The following C4orf50 variants were observed in gnomAD, a reference collection of about 807,000 sequenced individuals.
The protein encoded by C4orf50 is chromosome 4 open reading frame 50.
In C4orf50, 80 loss-of-function variants were observed where a neutral mutation model predicts 77.2. The ratio of observed to expected loss-of-function variants is 1.04; its 90% confidence interval spans 0.87 to 1.25. The LOEUF (loss-of-function observed/expected upper bound fraction) is 1.25. Ranked by LOEUF, C4orf50 falls within the 50% of genes most tolerant of loss-of-function variation. The probability of loss-of-function intolerance (pLI) is 0.00; values close to 1 mark genes in which losing one functional copy is unlikely to be tolerated. For synonymous variants in C4orf50, 532 were observed against 465.3 expected (o/e 1.14, Z -1.84); for missense variants, 1,257 against 1,152.9 (o/e 1.09, Z -1.31).
At chr4:5,963,741 G>A (rs1719396595) in intron 33 of C4orf50, among the ~76,000 whole-genome samples, 1 of 152,206 alleles carries the variant, frequency 6.6e-6, no homozygotes, top group Non-Finnish European at 1.5e-5. Context: ...CACCTCTGAT[G>A]TGCCAGGCAC....
At chr4:5,979,225 G>C (rs76660965) in intron 29 of C4orf50, among the ~76,000 whole-genome samples, 2 of 152,066 alleles carry the variant, frequency 1.3e-5, no homozygotes. Flanking sequence ...AGTATATGCC[G>C]AGAGAGAAAT....
At chr4:5,977,742 CA>C (rs1720366424) in intron 29 of C4orf50, among the ~76,000 whole-genome samples, 1 of 152,180 alleles carries the variant, frequency 6.6e-6, no homozygotes, top group South Asian at 2.1e-4. Flanking sequence ...GTCTTACATT[CA>C]AAAAGCACTC....
At chr4:6,003,860 G>GTGA (rs1349200873) in intron 25 of C4orf50, among the ~76,000 whole-genome samples, 773 of 57,552 alleles carry the variant, frequency 0.013, 120 homozygotes, top group African/African-American at 0.043. Flanking sequence ...GGTGATGATG[G>GTGA]TGATGGTGAT....
At position 5,905,526 on chromosome 4, in the gene C4orf50, A is replaced by G. The variant is rs1247670865; in HGVS notation, c.*2475-7338T>C. On this transcript the variant is annotated intron_variant, in intron 7 of 7. Transcript: ENST00000324058. This position sits in a 1 kb window ranked among gnomAD's most constrained non-coding sequence, Gnocchi z 5.4. ...GTGTGGCTTCTACATGAAGCCATCC[A>G]CATGCACACACCTTTACGTCACTGG... 2.0e-5 allele frequency: 3 copies of G among 152,250 alleles called. No individual in the cohort carries two copies. The East Asian group carries it at 5.8e-4, about 29-fold the overall frequency. The allele number at this position is 152,250 out of a possible 1,614,324, so 9.4% of individuals were successfully genotyped here.
intron 7 of C4orf50, among the ~76,000 whole-genome samples, chr4:5,915,870 C>T (rs530916545): frequency 9.8e-5 from 15 of 152,342 alleles, no homozygotes; most frequent in African/African-American, 3.4e-4. Flanking sequence ...CTTCCCTCTC[C>T]TCTTTTTCCT....
chr4:5,930,059 A>G (rs1717698137), intron 7 of C4orf50, among the ~76,000 whole-genome samples: 2 of 152,180 alleles, frequency 1.3e-5, no homozygotes, highest in South Asian at 2.1e-4. Context: ...GCATGATGAC[A>G]ACCAGGTGTT....
chr4:5,989,657 T>C (rs4234711), exon 28 of C4orf50: 895,056 of 1,535,938 alleles, frequency 0.58, 266,429 homozygotes, highest in East Asian at 0.9. Context: ...GCACACCTGT[T>C]GTGTCCTTTG....
In C4orf50 at chr4:5,988,121, G is replaced by A. The variant is rs559907709; in HGVS notation, c.3699+226C>T. On this transcript the variant is annotated intron_variant, in intron 28 of 33. Transcript: ENST00000531445. ...CATAGCAGGTGGGAACAGAGATCCC[G>A]GGATCAGAGCACCCAGGTGTGAGTC... 3.9e-5 allele frequency among the ~76,000 whole-genome samples: 6 copies of A among 152,282 alleles called. No homozygotes were observed. The South Asian group carries it at 6.2e-4, about 16-fold the overall frequency.
chr4:5,971,944 C>A (rs1719949782), intron 31 of C4orf50, among the ~76,000 whole-genome samples: 1 of 151,982 alleles, frequency 6.6e-6, no homozygotes, highest in Admixed American at 6.5e-5. Flanking sequence ...GCCAGCCGGC[C>A]TTCCAGGGTG....
intron 7 of C4orf50, among the ~76,000 whole-genome samples, chr4:5,931,131 G>A (rs1717751011): frequency 6.6e-6 from 1 of 152,194 alleles, no homozygotes; most frequent in Non-Finnish European, 1.5e-5. Flanking sequence ...AGGCCCAGCT[G>A]AAAAGGAACT....
Sources: allele counts gnomAD v4.1 joint callset (sites outside exome capture counted in the v4.1 genomes callset), GRCh38; gene constraint gnomAD v4.1.1; non-coding constraint Gnocchi (gnomAD v3.1); transcripts MANE v1.5; gene names NCBI Gene and HGNC (gene_info 2026-07-23, HGNC 2026-07-21).